The following PDE10A variants were observed in gnomAD, a reference collection of about 807,000 sequenced individuals.
PDE10A encodes cAMP and cAMP-inhibited cGMP 3',5'-cyclic phosphodiesterase 10A.
In PDE10A, 39 loss-of-function variants were observed where a neutral mutation model predicts 97.7. The ratio of observed to expected loss-of-function variants is 0.40; its 90% CI spans 0.31 to 0.52. The LOEUF (loss-of-function observed/expected upper bound fraction) is 0.52, where lower values mean the gene tolerates loss of function less well. Ranked by LOEUF, PDE10A falls within the 20% of genes least tolerant of loss-of-function variation. PDE10A has a pLI of 0.56. For missense variants in PDE10A, 731 were observed against 1,047.8 expected (o/e 0.70, Z 4.17); for synonymous variants, 371 against 376.8 (o/e 0.98, Z 0.18).
At chr6:165,362,117 A>T (rs894541160) in intron 18 of PDE10A, among the ~76,000 whole-genome samples, 1 of 152,160 alleles carries the variant, frequency 6.6e-6, no homozygotes, top group Non-Finnish European at 1.5e-5. Context: ...AATAACCTAA[A>T]CTGCCTTAAG....
At chr6:165,924,699 C>T (rs1782875277) in intron 1 of PDE10A, among the ~76,000 whole-genome samples, 1 of 152,206 alleles carries the variant, frequency 6.6e-6, no homozygotes, top group Non-Finnish European at 1.5e-5. Flanking sequence ...AACAAAAATC[C>T]TATCCAAGCA....
rs1033850487 is a variant in PDE10A at position 165,365,957 on chromosome 6, C to T, written c.2783+13237G>A. On this transcript the variant is annotated intron_variant, in intron 18 of 21. Coordinates refer to ENST00000539869, the MANE Select transcript of PDE10A (RefSeq NM_001385079.1). ...ATGCTAAAAAAGAAAATTTTATTTC[C>T]TCAGCCTATTAAAGAACTAATTCCA... 4.6e-5 allele frequency among the ~76,000 whole-genome samples: 7 copies of T among 151,956 alleles called. No individual in the cohort carries two copies. In the South Asian group the frequency reaches 1.2e-3, roughly 27 times the overall value.
rs891249255 is a variant in PDE10A, at chr6:165,734,787, A to G, written c.-614-191219T>C. On this transcript the variant is annotated intron_variant, in intron 1 of 19. Transcript: ENST00000366882. ...ATACCAGAAGGAGAAAATAAGGAGA[A>G]TGACAGAGATGATGTTTTCACAGAG... Among the ~76,000 whole-genome samples the G allele has an allele frequency of 2.0e-5, 3 of 152,192 alleles. No homozygotes were observed. The East Asian group carries it at 5.8e-4, about 29-fold the overall frequency.
At chr6:165,679,553 C>A (rs1375772040) in intron 1 of PDE10A, among the ~76,000 whole-genome samples, 3 of 152,224 alleles carry the variant, frequency 2.0e-5, no homozygotes, top group African/African-American at 7.2e-5. Flanking sequence ...TCAGGCGTGC[C>A]TGGCCCCACA....
chr6:165,719,045 A>T (rs1792098235), intron 1 of PDE10A, among the ~76,000 whole-genome samples: 1 of 152,214 alleles, frequency 6.6e-6, no homozygotes, highest in Admixed American at 6.5e-5. Context: ...GGAATATTAC[A>T]AATTTTAAAA....
intron 2 of PDE10A, among the ~76,000 whole-genome samples, chr6:165,534,396 T>G (rs1782957143): frequency 6.6e-6 from 1 of 151,790 alleles, no homozygotes; most frequent in Non-Finnish European, 1.5e-5. Context: ...CCAATTCTAT[T>G]CAAAGTATTT....
chr6:165,362,765 G>GA (rs1050090417), intron 18 of PDE10A, among the ~76,000 whole-genome samples: 4 of 152,094 alleles, frequency 2.6e-5, no homozygotes, highest in Non-Finnish European at 5.9e-5. Flanking sequence ...CCACAAAAAA[G>GA]AAAAGTACAG....
At chr6:165,442,540 G>A (rs1005361911) in intron 5 of PDE10A, among the ~76,000 whole-genome samples, 7 of 152,094 alleles carry the variant, frequency 4.6e-5, no homozygotes, top group African/African-American at 1.2e-4. Flanking sequence ...GGCGGGAAGT[G>A]CCACACACTT....
At chr6:165,659,874 C>T (rs555834355) in intron 1 of PDE10A, among the ~76,000 whole-genome samples, 13 of 152,228 alleles carry the variant, frequency 8.5e-5, no homozygotes, top group Non-Finnish European at 1.5e-4. Flanking sequence ...CCCTCCACAA[C>T]ATCCAGCAGG....
In PDE10A at chr6:165,327,292, T is replaced by C. The variant is rs1283392891; in HGVS notation, c.*5733A>G. The C allele has an allele frequency of 1.3e-5, 2 of 152,226 alleles. No individual in the cohort carries two copies. Among genetic ancestry groups the C allele is most frequent in the Admixed American group, 1.3e-4 (2 of 15,278 alleles). The allele number at this position is 152,226 out of a possible 1,614,324, so 9.4% of individuals were successfully genotyped here. A position where few individuals can be genotyped will look rare whatever the true frequency, so the allele number is the denominator to read the frequency against. On this transcript the variant is annotated 3_prime_UTR_variant, in exon 22 of 22. Coordinates refer to ENST00000539869, the MANE Select transcript of PDE10A (RefSeq NM_001385079.1). The stretch of plus-strand genomic sequence containing the variant: ...AGCAAGTGATATACGTGAAAGATAT[T>C]TTAAAAACTCTGTATTCAATTATTC...
At chr6:165,527,915 G>A (rs981797367) in intron 2 of PDE10A, among the ~76,000 whole-genome samples, 1 of 152,198 alleles carries the variant, frequency 6.6e-6, no homozygotes, top group Non-Finnish European at 1.5e-5. Context: ...TGCACGATAT[G>A]CAGGCACCAC....
chr6:165,797,874 A>C (rs1778871000), intron 1 of PDE10A, among the ~76,000 whole-genome samples: 1 of 152,336 alleles, frequency 6.6e-6, no homozygotes, highest in East Asian at 1.9e-4. Flanking sequence ...GGCTAGATTC[A>C]TTCATTATGA....
intron 1 of PDE10A, among the ~76,000 whole-genome samples, chr6:165,740,315 A>AG (rs1792686784): frequency 1.7e-5 from 2 of 114,998 alleles, no homozygotes; most frequent in Non-Finnish European, 3.7e-5. Flanking sequence ...ATATGGAGAG[A>AG]AAGAGAGAGA....
intron 2 of PDE10A, among the ~76,000 whole-genome samples, chr6:165,487,243 G>A (rs557240): frequency 0.29 from 43,783 of 151,938 alleles, 6,662 homozygotes; most frequent in African/African-American, 0.38. Context: ...GCCTGCTTCC[G>A]TGTCCAACAA....
At chr6:165,792,510 TTTTG>T (rs1778686747) in intron 1 of PDE10A, among the ~76,000 whole-genome samples, 1 of 152,142 alleles carries the variant, frequency 6.6e-6, no homozygotes, top group Non-Finnish European at 1.5e-5. Context: ...CTTCTAATGC[TTTTG>T]TTTGTCTCCA....
intron 1 of PDE10A, among the ~76,000 whole-genome samples, chr6:165,853,811 TG>T (rs1243596243): frequency 6.6e-6 from 1 of 152,188 alleles, no homozygotes; most frequent in African/African-American, 2.4e-5. Flanking sequence ...AGTAAATTTC[TG>T]TGAATAGGGC....
chr6:165,537,370 G>A (rs1783153437), intron 2 of PDE10A, among the ~76,000 whole-genome samples: 1 of 151,946 alleles, frequency 6.6e-6, no homozygotes, highest in Admixed American at 6.6e-5. Flanking sequence ...GTATTTGGTA[G>A]CACAATAGGG....
rs148910778 is a variant in PDE10A at position 165,341,370 on chromosome 6, A to C, written c.2896-2012T>G. Among the ~76,000 whole-genome samples, 471 of 152,158 alleles carry C rather than the reference A, an allele frequency of 3.1e-3. 1 individual carries two copies. The highest frequency in any genetic ancestry group is 0.01 in the African/African-American group (433 of 41,468). ...GCTTTTAATCCTGCACCTTCCTTTT[A>C]CTTTAAGTTGTCATTTAATGACTGC... On this transcript the variant is annotated intron_variant, in intron 19 of 21. Coordinates refer to ENST00000539869, the MANE Select transcript of PDE10A (RefSeq NM_001385079.1).
chr6:165,522,475 G>C lies in PDE10A; in HGVS notation c.994+20965C>G, dbSNP rs116428134. Among the ~76,000 whole-genome samples the C allele has an allele frequency of 4.6e-3, 707 of 152,134 alleles. 7 individuals carry two copies. The highest frequency in any genetic ancestry group is 0.016 in the African/African-American group (677 of 41,506). Reference sequence around the variant, plus strand: ...CCACAATCAAGTAGGCTTTATTCTTGGGATAAATCCACATAAAAGACCACA... The same window carrying C: ...CCACAATCAAGTAGGCTTTATTCTTCGGATAAATCCACATAAAAGACCACA... On this transcript the variant is annotated intron_variant, in intron 2 of 21. Coordinates refer to ENST00000539869, the MANE Select transcript of PDE10A (RefSeq NM_001385079.1).
Sources: gnomAD v4.1 joint callset for allele counts (sites outside exome capture counted in the v4.1 genomes callset) on GRCh38, gnomAD v4.1.1 for gene constraint, MANE v1.5 for transcripts, NCBI Gene and HGNC (gene_info 2026-07-23, HGNC 2026-07-21) for gene names.